The following RNF130 variants were observed in gnomAD, a reference collection of about 807,000 sequenced individuals.
RNF130 encodes the protein E3 ubiquitin-protein ligase RNF130.
Under a neutral mutation model 44.6 loss-of-function variants are expected in RNF130, and 21 were observed. The observed-to-expected ratio is 0.47, with a 90% CI of 0.33 to 0.68. The LOEUF is 0.68. RNF130 is among the 30% of genes least tolerant of loss of function. The pLI is 0.02. For missense variants in RNF130, 479 were observed against 560.6 expected, an observed-to-expected ratio of 0.85 and a Z score of 1.47; for synonymous variants, 214 against 210.4, an observed-to-expected ratio of 1.02 and a Z score of -0.15.
Position 180,056,557 on chromosome 5 carries a change from C to T in RNF130, c.247+14899G>A, listed in dbSNP as rs574204480. Among the ~76,000 whole-genome samples, 4 of 152,244 alleles carry T rather than the reference C, an allele frequency of 2.6e-5. No individual in the cohort carries two copies. The South Asian group carries it at 8.3e-4, about 32-fold the overall frequency. Reference sequence around the variant, plus strand: ...CACTGGGCAGAGGTGGTGTTACCGACAGACAGCAAACACTAGAGGAGGAAA... The same window carrying T: ...CACTGGGCAGAGGTGGTGTTACCGATAGACAGCAAACACTAGAGGAGGAAA... On this transcript the variant is annotated intron_variant, in intron 1 of 8. Transcript: ENST00000521389.
downstream of RNF130, among the ~76,000 whole-genome samples, chr5:179,953,282 G>A (rs903429754): frequency 6.6e-6 from 1 of 151,472 alleles, no homozygotes; most frequent in Non-Finnish European, 1.5e-5. Flanking sequence ...TACATATGCA[G>A]TGCAATCCCT....
chr5:180,009,289 C>T (rs1763531719), intron 3 of RNF130, among the ~76,000 whole-genome samples: 1 of 152,068 alleles, frequency 6.6e-6, no homozygotes, highest in African/African-American at 2.4e-5. Context: ...TTTCAAAGAC[C>T]TTGTTAAGAG....
At chr5:180,048,531 G>A (rs1344603626) in intron 1 of RNF130, among the ~76,000 whole-genome samples, 1 of 152,148 alleles carries the variant, frequency 6.6e-6, no homozygotes, top group Non-Finnish European at 1.5e-5. Context: ...CCAGCACTTT[G>A]GGAGGCTGAG....
rs1045131143 is a variant in RNF130 at position 180,066,442 on chromosome 5, T to C, written c.247+5014A>G. Reference sequence around the variant, plus strand: ...TATCAGCAGCATGAAAACAGACTAATATACCTTCCCAATATGACTAATATA... The same window carrying C: ...TATCAGCAGCATGAAAACAGACTAACATACCTTCCCAATATGACTAATATA... On this transcript the variant is annotated intron_variant, in intron 1 of 8. Coordinates refer to ENST00000521389, the MANE Select transcript of RNF130 (RefSeq NM_018434.6). Among the ~76,000 whole-genome samples, 7 of 152,286 alleles carry C rather than the reference T, an allele frequency of 4.6e-5. 1 individual carries two copies. Among genetic ancestry groups the C allele is most frequent in the South Asian group, 4.1e-4 (2 of 4,822 alleles).
chr5:180,049,964 C>T (rs1391440141), intron 1 of RNF130, among the ~76,000 whole-genome samples: 1 of 152,088 alleles, frequency 6.6e-6, no homozygotes, highest in Non-Finnish European at 1.5e-5. Flanking sequence ...TTAATCAGTA[C>T]CTCTATTCTC....
At chr5:179,999,012 T>A (rs1308318204) in intron 3 of RNF130, among the ~76,000 whole-genome samples, 1 of 151,188 alleles carries the variant, frequency 6.6e-6, no homozygotes, top group African/African-American at 2.4e-5. Flanking sequence ...AATATTTTAT[T>A]TTATTTTGTT....
At chr5:179,929,512 C>T (rs1216053057) in intron 7 of RNF130, among the ~76,000 whole-genome samples, 2 of 152,144 alleles carry the variant, frequency 1.3e-5, no homozygotes, top group Non-Finnish European at 2.9e-5. Context: ...CTTTAGGAGG[C>T]CAAGGTGGGA....
rs1372236433 is a variant in RNF130, at chr5:180,071,711, C to G, written c.-9G>C. The G allele has an allele frequency of 4.7e-6, 6 of 1,264,618 alleles. No individual in the cohort carries two copies. Among genetic ancestry groups the G allele is most frequent in the Admixed American group, 4.1e-5 (1 of 24,390 alleles). The allele number at this position is 1,264,618 out of a possible 1,614,324, so 78.3% of individuals were successfully genotyped here. On this transcript the variant is annotated 5_prime_UTR_variant, in exon 1 of 9. Coordinates refer to ENST00000521389, the MANE Select transcript of RNF130 (RefSeq NM_018434.6). ...CGCCCCGCGCAGCTCATCGTCCCTC[C>G]GGCAGCCGCCGCTGCTCGCGGACCG...
chr5:180,065,051 A>G (rs144539760), intron 1 of RNF130, among the ~76,000 whole-genome samples: 1 of 152,214 alleles, frequency 6.6e-6, no homozygotes, highest in Non-Finnish European at 1.5e-5. Context: ...GCCTTTTTCA[A>G]CATTTTCCTA....
intron 3 of RNF130, among the ~76,000 whole-genome samples, chr5:180,003,605 G>A (rs777704397): frequency 6.6e-6 from 1 of 152,106 alleles, no homozygotes; most frequent in Non-Finnish European, 1.5e-5. Flanking sequence ...ATCACTTTGC[G>A]ACAGGTAAAC....
At chr5:180,066,211 A>G (rs1483417522) in intron 1 of RNF130, among the ~76,000 whole-genome samples, 1 of 152,172 alleles carries the variant, frequency 6.6e-6, no homozygotes, top group African/African-American at 2.4e-5. Context: ...GGTTTCCCCC[A>G]TACTATTCTC....
intron 3 of RNF130, among the ~76,000 whole-genome samples, chr5:179,980,720 A>G (rs1337606203): frequency 6.6e-6 from 1 of 152,194 alleles, no homozygotes; most frequent in Non-Finnish European, 1.5e-5. Flanking sequence ...GGCTCGCTAT[A>G]CTATCATCCT....
chr5:180,018,776 A>C (rs1763801237), intron 2 of RNF130, among the ~76,000 whole-genome samples: 3 of 152,180 alleles, frequency 2.0e-5, no homozygotes, highest in Non-Finnish European at 4.4e-5. Context: ...TGCCAGCTAC[A>C]AAAGAATTTA....
chr5:179,930,465 A>G (rs1162366883), intron 7 of RNF130, among the ~76,000 whole-genome samples: 4 of 152,222 alleles, frequency 2.6e-5, no homozygotes, highest in African/African-American at 9.6e-5. Flanking sequence ...TGAATTTTCT[A>G]CATGTAATCG....
intron 7 of RNF130, among the ~76,000 whole-genome samples, chr5:179,949,395 G>A (rs1034526122): frequency 6.6e-6 from 1 of 151,460 alleles, no homozygotes; most frequent in Non-Finnish European, 1.5e-5. Context: ...AGTAGCTAGG[G>A]CTTATAAGAA....
intron 3 of RNF130, among the ~76,000 whole-genome samples, chr5:179,989,568 T>C (rs1763032019): frequency 6.6e-6 from 1 of 152,228 alleles, no homozygotes; most frequent in Admixed American, 6.5e-5. Context: ...ATAGCTATTC[T>C]TACTGCTTTT....
chr5:180,038,282 T>C (rs1025136495), intron 2 of RNF130, among the ~76,000 whole-genome samples: 44 of 151,922 alleles, frequency 2.9e-4, no homozygotes, highest in African/African-American at 1.0e-3. Flanking sequence ...CTCGAACTCC[T>C]GGGCTCAAGC....
intron 2 of RNF130, among the ~76,000 whole-genome samples, chr5:180,017,393 C>T (rs1268965767): frequency 6.6e-6 from 1 of 152,098 alleles, no homozygotes; most frequent in African/African-American, 2.4e-5. Flanking sequence ...TAAATGTTTT[C>T]CTCTTAATTA....
rs554694508 is a variant in RNF130, at chr5:179,978,917, A to G, written c.766-632T>C. Among the ~76,000 whole-genome samples the G allele has an allele frequency of 2.0e-5, 3 of 152,312 alleles. No homozygotes were observed. The Middle Eastern group carries it at 0.01, about 518-fold the overall frequency. On this transcript the variant is annotated intron_variant, in intron 4 of 8. Transcript: ENST00000521389. ...CCTAGGACTGAGAAGGGGTTTTGCAAAAGTTGTCATAAAACAAAACATGCC... is the reference window on the plus strand; with the variant it reads ...CCTAGGACTGAGAAGGGGTTTTGCAGAAGTTGTCATAAAACAAAACATGCC...
Sources: gnomAD v4.1 joint callset for allele counts (sites outside exome capture counted in the v4.1 genomes callset) on GRCh38, gnomAD v4.1.1 for gene constraint, MANE v1.5 for transcripts, NCBI Gene and HGNC (gene_info 2026-07-23, HGNC 2026-07-21) for gene names.